Variants in DIO1 observed in about 807,000 individuals in gnomAD.
DIO1 encodes the protein iodothyronine deiodinase 1, also known as type I iodothyronine deiodinase.
DIO1 carries 17 observed loss-of-function variants against 25.9 expected under a neutral mutation model. The ratio of observed to expected loss-of-function variants is 0.66; its 90% CI spans 0.45 to 0.98. The LOEUF (loss-of-function observed/expected upper bound fraction) is 0.98, where lower values mean the gene tolerates loss of function less well. Among genes scored for constraint, DIO1 ranks in the 50% least tolerant of loss-of-function variants. The pLI is 0.00. For missense variants in DIO1, 270 were observed against 310.4 expected, an observed-to-expected ratio of 0.87 and a Z score of 0.98; for synonymous variants, 115 against 114.0, an observed-to-expected ratio of 1.01 and a Z score of -0.05.
rs184097906 is a variant in DIO1, at chr1:53,904,779, G to T, written c.451G>T (p.Val151Phe). ...CTTTAGTTCCATAGCAGATTTTCTT[G>T]TCATTTACATTGAAGAAGCACATGC... ...EDFSSIADFL[V>F]IYIEEAHASD... The change falls in exon 2 of 4, where the codon GTC (valine) becomes TTC (phenylalanine). Residue 151 changes from valine (V) to phenylalanine (F), a missense_variant. Val to Phe is a conservative substitution (Grantham distance 50). Coordinates refer to ENST00000361921, the MANE Select transcript of DIO1 (RefSeq NM_000792.7). The T allele has an allele frequency of 1.9e-6, 3 of 1,612,486 alleles. No homozygotes were observed. In the Admixed American group the frequency reaches 5.0e-5, roughly 27 times the overall value.
At chr1:53,900,691 G>A (rs12131461) in intron 1 of DIO1, among the ~76,000 whole-genome samples, 22,071 of 152,110 alleles carry the variant, frequency 0.15, 1,681 homozygotes, top group South Asian at 0.25. Context: ...AGGGGGTATA[G>A]TTAACCAAAT....
chr1:53,906,353 C>A, intron 3 of DIO1, 59 bp downstream of exon 3: 1 of 1,451,928 alleles, frequency 6.9e-7, no homozygotes, highest in Non-Finnish European at 9.5e-7. Flanking sequence ...AGGGCAAGGG[C>A]AAAGAGAAGG....
At chr1:53,902,864 C>T (rs969096947) in intron 1 of DIO1, among the ~76,000 whole-genome samples, 2 of 151,922 alleles carry the variant, frequency 1.3e-5, no homozygotes, top group Non-Finnish European at 2.9e-5. Context: ...GTTTTTAGCA[C>T]ACCAGAGTTG....
chr1:53,899,522 A>C (rs901915582), intron 1 of DIO1, among the ~76,000 whole-genome samples: 1 of 152,138 alleles, frequency 6.6e-6, no homozygotes, highest in African/African-American at 2.4e-5. Context: ...CTCAATACTG[A>C]CCACTGTACC....
chr1:53,904,653 G>A lies in DIO1; in HGVS notation c.338-13G>A. On this transcript the variant is annotated splice_polypyrimidine_tract_variant and intron_variant, in intron 1 of 3. Coordinates refer to ENST00000361921, the MANE Select transcript of DIO1 (RefSeq NM_000792.7). The stretch of plus-strand genomic sequence containing the variant: ...TGTAGGGTCTCAGTTTGTGATGGTT[G>A]TTGCTGTTTCAGGTAATAGGCCACT... 1 of 1,611,012 alleles carries A rather than the reference G, an allele frequency of 6.2e-7. No individual in the cohort carries two copies. Among genetic ancestry groups the A allele is most frequent in the East Asian group, 2.2e-5 (1 of 44,830 alleles).
chr1:53,910,126 T>C lies in DIO1; in HGVS notation c.*127T>C, dbSNP rs1465842739. 2 of 781,302 alleles carry C rather than the reference T, an allele frequency of 2.6e-6. No individual in the cohort carries two copies. The highest frequency in any genetic ancestry group is 4.4e-6 in the Non-Finnish European group (2 of 451,272). The allele number at this position is 781,302 out of a possible 1,614,324, so 48.4% of individuals were successfully genotyped here. A position where few individuals can be genotyped will look rare whatever the true frequency, so the allele number is the denominator to read the frequency against. On this transcript the variant is annotated 3_prime_UTR_variant, in exon 4 of 4. Transcript: ENST00000361921. ...GCTGAATCACTAGCTCAGATTTTTC[T>C]GATCTAAGCAAACAACTCCCAGCTG...
In DIO1 at chr1:53,909,818, C is replaced by T; in HGVS notation, c.682-113C>T. The stretch of plus-strand genomic sequence containing the variant: ...GCCATTGAATTAGCCATGCTGATGG[C>T]TCCTACACAGACATCATTTGACCAC... On this transcript the variant is annotated intron_variant, in intron 3 of 3. Coordinates refer to ENST00000361921, the MANE Select transcript of DIO1 (RefSeq NM_000792.7). 5.1e-6 allele frequency: 5 copies of T among 977,790 alleles called. No individual in the cohort carries two copies. The East Asian group carries it at 7.2e-5, about 14-fold the overall frequency. The allele number at this position is 977,790 out of a possible 1,614,324, so 60.6% of individuals were successfully genotyped here.
chr1:53,897,415 G>A (rs1883458), intron 1 of DIO1, among the ~76,000 whole-genome samples: 35,305 of 151,994 alleles, frequency 0.23, 4,286 homozygotes, highest in African/African-American at 0.29. Flanking sequence ...GGCAGAGGTT[G>A]CAGTGAGCCG....
rs764720671 is a variant in DIO1 at position 53,906,063 on chromosome 1, A to G, written c.482-32A>G. On this transcript the variant is annotated intron_variant, in intron 2 of 3. Transcript: ENST00000361921. ...TCTGCAGGAAGTGTGTGCTGTGTCA[A>G]TGGGACTCGGTGCCTGGCCTTTCTC... is the stretch of plus-strand genomic sequence containing the variant. The G allele has an allele frequency of 2.5e-6, 4 of 1,609,208 alleles. No homozygotes were observed. The South Asian group carries it at 3.3e-5, about 13-fold the overall frequency.
At chr1:53,907,548 C>T (rs1651714068) in intron 3 of DIO1, among the ~76,000 whole-genome samples, 1 of 152,128 alleles carries the variant, frequency 6.6e-6, no homozygotes, top group South Asian at 2.1e-4. Flanking sequence ...ATTGAGGCAC[C>T]CTGGGCACTG....
intron 1 of DIO1, among the ~76,000 whole-genome samples, chr1:53,900,405 A>C (rs1241416287): frequency 6.6e-6 from 1 of 152,112 alleles, no homozygotes; most frequent in Non-Finnish European, 1.5e-5. Context: ...GGAGTTCAAG[A>C]CCATCCTGGC....
chr1:53,904,395 G>A lies in DIO1; in HGVS notation c.338-271G>A, dbSNP rs192033265. Among the ~76,000 whole-genome samples, 371 of 152,224 alleles carry A rather than the reference G, an allele frequency of 2.4e-3. 1 individual carries two copies. The highest frequency in any genetic ancestry group is 2.4e-3 in the Non-Finnish European group (163 of 68,024). ...CCTGCCTTATAAACTGCATGAAAGG[G>A]ACTCCTCTTATATTTAAACTGCTAT... On this transcript the variant is annotated intron_variant, in intron 1 of 3. Coordinates refer to ENST00000361921, the MANE Select transcript of DIO1 (RefSeq NM_000792.7).
At position 53,910,111 on chromosome 1, in the gene DIO1, T is replaced by A; in HGVS notation, c.*112T>A. On this transcript the variant is annotated 3_prime_UTR_variant, in exon 4 of 4. Coordinates refer to ENST00000361921, the MANE Select transcript of DIO1 (RefSeq NM_000792.7). ...TGACCTGTGTCCCTAGCTGAATCAC[T>A]AGCTCAGATTTTTCTGATCTAAGCA... The A allele has an allele frequency of 3.4e-6, 3 of 888,852 alleles. No homozygotes were observed. The highest frequency in any genetic ancestry group is 5.6e-6 in the Non-Finnish European group (3 of 536,690). The allele number at this position is 888,852 out of a possible 1,614,324, so 55.1% of individuals were successfully genotyped here.
chr1:53,894,231 G>GCT lies in DIO1; in HGVS notation c.22_23dup (p.Trp9CysfsTer3). 6.2e-7 allele frequency: 1 copy of GCT among 1,613,948 alleles called. No homozygotes were observed. Among genetic ancestry groups the GCT allele is most frequent in the Non-Finnish European group, 8.5e-7 (1 of 1,179,840 alleles). ...CCGAGATGGGGCTGCCCCAGCCAGG[G>GCT]CTGTGGCTGAAGAGGCTCTGGGTGC... On this transcript the variant is annotated frameshift_variant, in exon 1 of 4. Coordinates refer to ENST00000361921, the MANE Select transcript of DIO1 (RefSeq NM_000792.7). LOFTEE classifies it high-confidence loss of function. The surrounding 1 kb of genome is among the most constrained non-coding windows in gnomAD (Gnocchi z 4.9).
chr1:53,898,055 G>A (rs779935350), intron 1 of DIO1, among the ~76,000 whole-genome samples: 1 of 152,176 alleles, frequency 6.6e-6, no homozygotes, highest in Non-Finnish European at 1.5e-5. Context: ...GAGAGATGGT[G>A]TCGTGACAGG....
chr1:53,895,394 G>A (rs1035089809), intron 1 of DIO1, among the ~76,000 whole-genome samples: 1 of 152,076 alleles, frequency 6.6e-6, no homozygotes, highest in Non-Finnish European at 1.5e-5. Context: ...CTGCATTCCA[G>A]CCTGGGCAAC....
At position 53,910,054 on chromosome 1, in the gene DIO1, G is replaced by C. The variant is rs12039511; in HGVS notation, c.*55G>C. ...CAACGGGAGGGCTTCTCAAGGCTTA[G>C]CTCTCCCTGAGACCCAGCTGGCTTT... is the stretch of plus-strand genomic sequence containing the variant. On this transcript the variant is annotated 3_prime_UTR_variant, in exon 4 of 4. Transcript: ENST00000361921. 6.6e-7 allele frequency: 1 copy of C among 1,514,826 alleles called. No homozygotes were observed. The highest frequency in any genetic ancestry group is 1.4e-5 in the African/African-American group (1 of 72,828). The allele number at this position is 1,514,826 out of a possible 1,614,324, so 93.8% of individuals were successfully genotyped here. A position where few individuals can be genotyped will look rare whatever the true frequency, so the allele number is the denominator to read the frequency against.
Position 53,894,504 on chromosome 1 carries a change from C to T in DIO1, c.294C>T (p.Val98=), listed in dbSNP as rs1650973942. 8 of 1,614,166 alleles carry T rather than the reference C, an allele frequency of 5.0e-6. No homozygotes were observed. In the East Asian group the frequency reaches 1.8e-4, roughly 36 times the overall value. The change falls in exon 1 of 4, where the codon GTC becomes GTT. Residue 98 remains valine, a synonymous_variant. Transcript: ENST00000361921. This position sits in a 1 kb window ranked among gnomAD's most constrained non-coding sequence, Gnocchi z 4.9. ...LGGLAPNCPV[V]RLSGQRCNIW... ...GTCTGGCCCCAAACTGCCCGGTGGT[C>T]CGCCTCTCAGGACAGAGGTGCAACA...
At chr1:53,900,982 CTTTTTTTTTTTTTTT>C (rs71063891) in intron 1 of DIO1, among the ~76,000 whole-genome samples, 1 of 72,084 alleles carries the variant, frequency 1.4e-5, no homozygotes, top group Non-Finnish European at 2.5e-5. Context: ...GGCCAGCTAA[CTTTTTTTTTTTTTTT>C]TTTTTTTTTT....
Sources: allele counts gnomAD v4.1 joint callset (sites outside exome capture counted in the v4.1 genomes callset), GRCh38; gene constraint gnomAD v4.1.1; non-coding constraint Gnocchi (gnomAD v3.1); transcripts MANE v1.5; gene names NCBI Gene and HGNC (gene_info 2026-07-23, HGNC 2026-07-21).